Variants in AHCYL2 observed in about 807,000 individuals in gnomAD.
AHCYL2 encodes the protein adenosylhomocysteinase like 2.
In AHCYL2, 28 loss-of-function variants were observed where a neutral mutation model predicts 81.4. The ratio of observed to expected loss-of-function variants is 0.34; its 90% confidence interval spans 0.25 to 0.47. AHCYL2 has a LOEUF of 0.47. AHCYL2 is among the 20% of genes least tolerant of loss of function. AHCYL2 has a pLI of 1.00. For synonymous variants in AHCYL2, 272 were observed against 290.2 expected, an observed-to-expected ratio of 0.94 and a Z score of 0.64; for missense variants, 551 against 785.1, an observed-to-expected ratio of 0.70 and a Z score of 3.56.
At chr7:129,396,579 G>A (rs1301169086) in intron 4 of AHCYL2, among the ~76,000 whole-genome samples, 1 of 151,914 alleles carries the variant, frequency 6.6e-6, no homozygotes, top group Non-Finnish European at 1.5e-5. Flanking sequence ...GCGCCACCAT[G>A]CCTGGGTAAT....
chr7:129,409,588 T>C (rs1379145231), intron 11 of AHCYL2, 42 bp downstream of exon 11: 6 of 1,499,132 alleles, frequency 4.0e-6, no homozygotes, highest in Non-Finnish European at 4.6e-6. Flanking sequence ...CTTGGGAATG[T>C]TTTTATGGAG....
At chr7:129,292,169 C>T (rs1232460590) in intron 1 of AHCYL2, among the ~76,000 whole-genome samples, 1 of 152,116 alleles carries the variant, frequency 6.6e-6, no homozygotes, top group Non-Finnish European at 1.5e-5. Context: ...CCATCACTTT[C>T]CCTTTGATTA....
At chr7:129,292,519 C>T (rs934480868) in intron 1 of AHCYL2, among the ~76,000 whole-genome samples, 1 of 152,190 alleles carries the variant, frequency 6.6e-6, no homozygotes, top group Non-Finnish European at 1.5e-5. Flanking sequence ...GTAATCCTAG[C>T]ACTTTGGGAG....
rs1420484230 is a variant in AHCYL2, at chr7:129,426,549, G to A, written c.1815G>A (p.Lys605=). 1 of 1,613,818 alleles carries A rather than the reference G, an allele frequency of 6.2e-7. No homozygotes were observed. Among genetic ancestry groups the A allele is most frequent in the Non-Finnish European group, 8.5e-7 (1 of 1,179,930 alleles). Reference sequence around the variant, plus strand: ...GACTCAACAAGAATGGGCCCTTCAAGCCTAATTACTACAGGTGCCTTGGGC... The same window carrying A: ...GACTCAACAAGAATGGGCCCTTCAAACCTAATTACTACAGGTGCCTTGGGC... ...YLGLNKNGPF[K]PNYYRY is the part of the protein sequence containing the mutation. The change falls in exon 16 of 17, where the codon AAG becomes AAA. Residue 605 remains lysine, a synonymous_variant. Transcript: ENST00000325006. The surrounding 1 kb of genome is among the most constrained non-coding windows in gnomAD (Gnocchi z 4.3).
intron 2 of AHCYL2, among the ~76,000 whole-genome samples, chr7:129,382,370 C>T (rs1022627594): frequency 3.3e-5 from 5 of 152,120 alleles, no homozygotes; most frequent in Admixed American, 2.0e-4. Context: ...GAGGCCGAGA[C>T]AGGCAGATCA....
intron 4 of AHCYL2, among the ~76,000 whole-genome samples, chr7:129,390,593 C>G (rs750091389): frequency 6.6e-6 from 1 of 152,190 alleles, no homozygotes; most frequent in Non-Finnish European, 1.5e-5. Context: ...TCTCAGGGCT[C>G]CAGCTTCACC....
At chr7:129,384,587 C>T (rs1795118297) in intron 2 of AHCYL2, among the ~76,000 whole-genome samples, 1 of 152,034 alleles carries the variant, frequency 6.6e-6, no homozygotes, top group South Asian at 2.1e-4. Flanking sequence ...AGATACTTTC[C>T]TGTCCAAAGT....
intron 1 of AHCYL2, among the ~76,000 whole-genome samples, chr7:129,277,141 A>G (rs1293430209): frequency 1.3e-5 from 2 of 152,150 alleles, no homozygotes; most frequent in Non-Finnish European, 2.9e-5. Context: ...TAGTTTTATA[A>G]AGGGGTATAA....
intron 7 of AHCYL2, among the ~76,000 whole-genome samples, chr7:129,404,828 T>C (rs1012426397): frequency 5.9e-5 from 9 of 152,218 alleles, no homozygotes; most frequent in African/African-American, 1.7e-4. Context: ...TCTCCCACTT[T>C]TTATAGTCTC....
chr7:129,270,172 T>C (rs542693276), intron 1 of AHCYL2, among the ~76,000 whole-genome samples: 1 of 152,310 alleles, frequency 6.6e-6, no homozygotes, highest in Admixed American at 6.5e-5. Context: ...CCTTCCTCAT[T>C]GTATTATCTG....
At chr7:129,354,244 C>T (rs774489779) in intron 1 of AHCYL2, among the ~76,000 whole-genome samples, 12 of 152,148 alleles carry the variant, frequency 7.9e-5, no homozygotes, top group Non-Finnish European at 1.6e-4. Context: ...AAGAGAGGAT[C>T]TTCCATTAAA....
intron 10 of AHCYL2, among the ~76,000 whole-genome samples, chr7:129,408,372 G>A (rs527301757): frequency 1.3e-5 from 2 of 152,200 alleles, no homozygotes; most frequent in Non-Finnish European, 2.9e-5. Context: ...AGACGTTTAT[G>A]GAATTAAAGA....
At position 129,397,295 on chromosome 7, in the gene AHCYL2, A is replaced by G. The variant is rs1451260147; in HGVS notation, c.794A>G (p.Asn265Ser). ...WAACNIYSTL[N>S]EVAAALAESG... ...GCCTGCAACATCTATTCCACTCTCA[A>G]TGAAGTGGCTGCTGCTCTAGCAGAA... Residue 265 changes from asparagine (N) to serine (S), a missense_variant, in exon 5 of 17, where the codon AAT (asparagine) becomes AGT (serine). Physicochemically the swap from Asn to Ser is conservative, Grantham distance 46. Around this residue, in one of 2 missense-constraint regions of AHCYL2, gnomAD observed 316 missense variants for 543.1 expected, o/e 0.58. Transcript: ENST00000325006. The G allele has an allele frequency of 1.2e-6, 2 of 1,614,062 alleles. No individual in the cohort carries two copies. The highest frequency in any genetic ancestry group is 2.2e-5 in the East Asian group (1 of 44,880).
intron 1 of AHCYL2, among the ~76,000 whole-genome samples, chr7:129,366,345 A>G (rs1794114565): frequency 6.6e-6 from 1 of 152,156 alleles, no homozygotes. Flanking sequence ...CTGGCATCTT[A>G]CAGTACCTCT....
At chr7:129,377,529 C>A (rs994780245) in intron 1 of AHCYL2, 1 of 456,490 alleles carries the variant, frequency 2.2e-6, no homozygotes, top group Admixed American at 2.3e-5. Flanking sequence ...TCATTAGTTA[C>A]CTCTAACTGC....
In AHCYL2 at chr7:129,375,548, G is replaced by A. The variant is rs974185632; in HGVS notation, c.364-4090G>A. On this transcript the variant is annotated intron_variant, in intron 1 of 16. Transcript: ENST00000325006. ...GTTATGCGCATGCAAGTTGGGCCTTGTCAAGGGACTTGCAAGGTTTAGAGG... is the reference window on the plus strand; with the variant it reads ...GTTATGCGCATGCAAGTTGGGCCTTATCAAGGGACTTGCAAGGTTTAGAGG... 13 of 1,106,130 alleles carry A rather than the reference G, an allele frequency of 1.2e-5. No individual in the cohort carries two copies. The Admixed American group carries it at 2.6e-4, about 22-fold the overall frequency. The allele number at this position is 1,106,130 out of a possible 1,614,324, so 68.5% of individuals were successfully genotyped here. A position where few individuals can be genotyped will look rare whatever the true frequency, so the allele number is the denominator to read the frequency against.
chr7:129,403,598 T>G (rs1796135417), intron 7 of AHCYL2, 113 bp downstream of exon 7: 1 of 559,092 alleles, frequency 1.8e-6, no homozygotes, highest in Non-Finnish European at 2.9e-6. Context: ...GCGCGGTGGC[T>G]CACGCCTGTA....
intron 1 of AHCYL2, among the ~76,000 whole-genome samples, chr7:129,242,717 GAAAAAAA>G (rs76368354): frequency 2.8e-5 from 3 of 108,926 alleles, no homozygotes; most frequent in Non-Finnish European, 5.7e-5. Flanking sequence ...CTCTGTCTCA[GAAAAAAA>G]AAAAAAAAAA....
At chr7:129,342,748 G>A (rs1273110494) in intron 1 of AHCYL2, among the ~76,000 whole-genome samples, 1 of 152,102 alleles carries the variant, frequency 6.6e-6, no homozygotes, top group Non-Finnish European at 1.5e-5. Flanking sequence ...TAAAATAAGG[G>A]ATATGTAAAT....
Sources: allele counts gnomAD v4.1 joint callset (sites outside exome capture counted in the v4.1 genomes callset), GRCh38; gene constraint gnomAD v4.1.1; regional missense constraint gnomAD v4.1.1; non-coding constraint Gnocchi (gnomAD v3.1); transcripts MANE v1.5; gene names NCBI Gene and HGNC (gene_info 2026-07-23, HGNC 2026-07-21).